The following C19orf47 variants were observed in gnomAD, a reference collection of about 807,000 sequenced individuals.
The protein encoded by C19orf47 is uncharacterized protein C19orf47.
Under a neutral mutation model 32.3 loss-of-function variants are expected in C19orf47, and 18 were observed. The observed-to-expected ratio is 0.56, with a 90% CI of 0.39 to 0.83. The LOEUF (loss-of-function observed/expected upper bound fraction) is 0.83. C19orf47 is among the 40% of genes least tolerant of loss of function. C19orf47 has a pLI of 0.00. For synonymous variants in C19orf47, 202 were observed against 211.1 expected, an observed-to-expected ratio of 0.96 and a Z score of 0.37; for missense variants, 484 against 531.6, an observed-to-expected ratio of 0.91 and a Z score of 0.88.
chr19:40,334,339 A>G (rs2078015931), intron 4 of C19orf47, among the ~76,000 whole-genome samples: 1 of 152,130 alleles, frequency 6.6e-6, no homozygotes, highest in Non-Finnish European at 1.5e-5. Flanking sequence ...AGTCCCAATT[A>G]TTCAGGGGCT....
chr19:40,322,201 G>GCCT lies in C19orf47; in HGVS notation c.836_838dup (p.Lys279_Ala280insGlu), dbSNP rs1275195862. The GCCT allele has an allele frequency of 6.2e-7, 1 of 1,611,092 alleles. No individual in the cohort carries two copies. Among genetic ancestry groups the GCCT allele is most frequent in the East Asian group, 2.2e-5 (1 of 44,896 alleles). ...AGCAGCCGTTGTCGCTGAGCTTGTG[G>GCCT]CCTTGGCTTTGACAGTCAGTGCTGG... is the stretch of plus-strand genomic sequence containing the variant. On this transcript the variant is annotated inframe_insertion, in exon 9 of 9. Transcript: ENST00000683109.
rs780350868 is a variant in C19orf47, at chr19:40,328,520, T to C, written c.332A>G (p.Asn111Ser). 6.2e-7 allele frequency: 1 copy of C among 1,610,120 alleles called. No individual in the cohort carries two copies. Among genetic ancestry groups the C allele is most frequent in the South Asian group, 1.1e-5 (1 of 90,536 alleles). ...AASRMITNSLNHDSPPSTPPR... is the reference protein window; with the variant it reads ...AASRMITNSLSHDSPPSTPPR... ...GGGTGTGCTGGGTGGAGAGTCATGG[T>C]TCAGGCTGTTGGTGATCATTCGGGA... Residue 111 changes from asparagine to serine, a missense_variant, in exon 6 of 9, where the codon AAC (asparagine) becomes AGC (serine). By Grantham distance (46) the Asn-to-Ser change is conservative. Coordinates refer to ENST00000683109, the MANE Select transcript of C19orf47 (RefSeq NM_001256441.2).
At chr19:40,296,666 C>T in the C19orf47 span, among the ~76,000 whole-genome samples, 2 of 152,224 alleles carry the variant, frequency 1.3e-5, no homozygotes, top group African/African-American at 4.8e-5. Flanking sequence ...GTAATCCCAG[C>T]ACTTCGGGAG....
chr19:40,311,577 A>G, the C19orf47 span, among the ~76,000 whole-genome samples: 26 of 152,074 alleles, frequency 1.7e-4, no homozygotes, highest in African/African-American at 6.3e-4. Flanking sequence ...TAAAAAATAA[A>G]CACAAGGAGC....
chr19:40,301,857 T>TA, the C19orf47 span, among the ~76,000 whole-genome samples: 16,099 of 139,490 alleles, frequency 0.12, 1,209 homozygotes, highest in African/African-American at 0.23. Flanking sequence ...AAAAAAATCT[T>TA]AAAAAAAAAG....
downstream of C19orf47, among the ~76,000 whole-genome samples, chr19:40,316,549 G>A (rs1172623893): frequency 6.6e-6 from 1 of 152,186 alleles, no homozygotes; most frequent in Non-Finnish European, 1.5e-5. Context: ...TGGCACACAG[G>A]TGGTAGTCAA....
At chr19:40,347,544 AAAG>A (rs1238478755) in intron 1 of C19orf47, among the ~76,000 whole-genome samples, 115 of 152,248 alleles carry the variant, frequency 7.6e-4, no homozygotes, top group African/African-American at 2.4e-3. Flanking sequence ...AAGAAAAAAA[AAAG>A]AAGAAGACAG....
At chr19:40,297,079 A>G in the C19orf47 span, among the ~76,000 whole-genome samples, 1 of 152,220 alleles carries the variant, frequency 6.6e-6, no homozygotes, top group East Asian at 1.9e-4. Flanking sequence ...AATGCTTTTC[A>G]AGTTCACATG....
intron 4 of C19orf47, among the ~76,000 whole-genome samples, 198 bp from the exon 5 acceptor site, chr19:40,334,127 A>G (rs1163724617): frequency 6.6e-6 from 1 of 152,252 alleles, no homozygotes; most frequent in African/African-American, 2.4e-5. Context: ...ATTCAGATAT[A>G]TATATCTGAA....
In C19orf47 at chr19:40,320,983, T is replaced by A; in HGVS notation, c.*899A>T. The A allele has an allele frequency of 6.4e-6, 1 of 155,238 alleles. No homozygotes were observed. The highest frequency in any genetic ancestry group is 1.4e-5 in the Non-Finnish European group (1 of 69,470). The allele number at this position is 155,238 out of a possible 1,614,324, so 9.6% of individuals were successfully genotyped here. A position where few individuals can be genotyped will look rare whatever the true frequency, so the allele number is the denominator to read the frequency against. On this transcript the variant is annotated 3_prime_UTR_variant, in exon 9 of 9. Coordinates refer to ENST00000683109, the MANE Select transcript of C19orf47 (RefSeq NM_001256441.2). ...CCTGACCTTTAGAGACACAGCCCAA[T>A]CCTCTGCCACCATCCCCAGCCCAGC...
At chr19:40,315,413 A>G (rs1600153857), downstream of C19orf47, among the ~76,000 whole-genome samples, 5 of 152,260 alleles carry the variant, frequency 3.3e-5, no homozygotes, top group South Asian at 1.0e-3. Flanking sequence ...TGGGAGGCTG[A>G]GGTGAGTACA....
chr19:40,316,910 G>C (rs143321241), downstream of C19orf47, among the ~76,000 whole-genome samples: 275 of 152,028 alleles, frequency 1.8e-3, 2 homozygotes, highest in African/African-American at 6.2e-3. Context: ...ACTAAGACAC[G>C]TGTATGCTTG....
chr19:40,343,141 GCCTCTTCCCTGACCCGGCTCCTCTGC>G (rs911573186), intron 1 of C19orf47, among the ~76,000 whole-genome samples: 1 of 152,068 alleles, frequency 6.6e-6, no homozygotes, highest in African/African-American at 2.4e-5. Flanking sequence ...TTAGCCCTCT[GCCTCTTCCCTGACCCGGCTCCTCTGC>G]CCTCTTCCCT....
chr19:40,314,257 A>AT, the C19orf47 span, among the ~76,000 whole-genome samples: 5 of 152,080 alleles, frequency 3.3e-5, no homozygotes, highest in African/African-American at 1.2e-4. Flanking sequence ...ATGAAACCCC[A>AT]TCTCTATTAA....
the C19orf47 span, among the ~76,000 whole-genome samples, chr19:40,305,519 T>G: frequency 1.8e-4 from 27 of 152,142 alleles, no homozygotes; most frequent in Admixed American, 2.6e-4. Flanking sequence ...TGGCGCCACA[T>G]GAGCTGGTCA....
At chr19:40,297,867 C>T in the C19orf47 span, among the ~76,000 whole-genome samples, 4 of 120,270 alleles carry the variant, frequency 3.3e-5, no homozygotes, top group East Asian at 5.4e-4. Flanking sequence ...GAGGTGACTC[C>T]GTCTCAAAAA....
the C19orf47 span, among the ~76,000 whole-genome samples, chr19:40,295,109 C>G: frequency 1.3e-5 from 2 of 152,100 alleles, no homozygotes; most frequent in Non-Finnish European, 1.5e-5. Context: ...GCAACCTCCG[C>G]CTCCTGGGTT....
At chr19:40,300,165 T>C in the C19orf47 span, among the ~76,000 whole-genome samples, 1 of 152,036 alleles carries the variant, frequency 6.6e-6, no homozygotes, top group Admixed American at 6.6e-5. Flanking sequence ...ATAAAAAACA[T>C]TTTTTTAAAT....
intron 7 of C19orf47, among the ~76,000 whole-genome samples, chr19:40,325,158 T>A (rs2077802947): frequency 6.6e-6 from 1 of 151,330 alleles, no homozygotes; most frequent in Admixed American, 6.6e-5. Flanking sequence ...TAATCCCAGA[T>A]GCTTGGGAGA....
Sources: gnomAD v4.1 joint callset for allele counts (sites outside exome capture counted in the v4.1 genomes callset) on GRCh38, gnomAD v4.1.1 for gene constraint, MANE v1.5 for transcripts, NCBI Gene and HGNC (gene_info 2026-07-23, HGNC 2026-07-21) for gene names.